IQCM: variants seen among roughly 807,000 people sequenced by gnomAD.
IQCM encodes IQ motif containing M.
In IQCM, 45 loss-of-function variants were observed where a neutral mutation model predicts 57.6. The observed-to-expected ratio is 0.78, with a 90% CI of 0.62 to 1.00. The LOEUF is 1.00. Ranked by LOEUF, IQCM falls within the 50% of genes least tolerant of loss-of-function variation. The probability of loss-of-function intolerance (pLI) is 0.00; values close to 1 mark genes in which losing one functional copy is unlikely to be tolerated. For synonymous variants in IQCM, 148 were observed against 158.9 expected (o/e 0.93, Z 0.51); for missense variants, 468 against 511.6 (o/e 0.91, Z 0.82).
chr4:149,562,128 T>TC (rs1289837460), intron 10 of IQCM, among the ~76,000 whole-genome samples: 5 of 152,208 alleles, frequency 3.3e-5, no homozygotes, highest in African/African-American at 1.2e-4. Context: ...ATGTTATAGT[T>TC]CCTACTATAT....
At chr4:149,726,780 T>C (rs913224280) in intron 5 of IQCM, among the ~76,000 whole-genome samples, 8 of 152,162 alleles carry the variant, frequency 5.3e-5, no homozygotes, top group African/African-American at 4.8e-5. Context: ...TACATATATA[T>C]ATGTAAAAAT....
chr4:149,458,721 T>C (rs1737960729), intron 12 of IQCM, among the ~76,000 whole-genome samples: 1 of 152,122 alleles, frequency 6.6e-6, no homozygotes, highest in African/African-American at 2.4e-5. Context: ...AAAAGCTAAT[T>C]CAGAATTTAG....
At chr4:149,396,390 A>G (rs1732231163) in intron 13 of IQCM, among the ~76,000 whole-genome samples, 1 of 151,936 alleles carries the variant, frequency 6.6e-6, no homozygotes, top group Admixed American at 6.6e-5. Context: ...TTTTAAAAAA[A>G]GAAAAAAAAT....
At chr4:149,719,607 T>A (rs967880029) in intron 5 of IQCM, among the ~76,000 whole-genome samples, 3 of 152,300 alleles carry the variant, frequency 2.0e-5, no homozygotes, top group South Asian at 2.1e-4. Context: ...TTCAGAGATA[T>A]AAACAATGTC....
intron 7 of IQCM, among the ~76,000 whole-genome samples, chr4:149,646,911 G>T (rs373870891): frequency 2.0e-5 from 3 of 152,156 alleles, no homozygotes; most frequent in Admixed American, 6.5e-5. Flanking sequence ...TTGAACCTAG[G>T]GGGTAGAGGT....
At chr4:149,697,536 A>G (rs529540996) in intron 5 of IQCM, among the ~76,000 whole-genome samples, 221 of 152,256 alleles carry the variant, frequency 1.5e-3, no homozygotes, top group Non-Finnish European at 2.6e-3. Context: ...AGGACGTGCC[A>G]TAAATCAGGC....
intron 13 of IQCM, among the ~76,000 whole-genome samples, chr4:149,355,177 T>C (rs1218396212): frequency 6.6e-6 from 1 of 152,160 alleles, no homozygotes; most frequent in Non-Finnish European, 1.5e-5. Context: ...ATAATTTCAC[T>C]TAGGAAGAAT....
At chr4:149,812,503 G>C (rs55823538) in intron 2 of IQCM, among the ~76,000 whole-genome samples, 62,052 of 130,786 alleles carry the variant, frequency 0.47, 15,848 homozygotes, top group East Asian at 0.75. Context: ...CACACACACA[G>C]ACACACACAC....
At chr4:149,415,332 G>A (rs1733670397) in intron 13 of IQCM, among the ~76,000 whole-genome samples, 1 of 152,134 alleles carries the variant, frequency 6.6e-6, no homozygotes, top group South Asian at 2.1e-4. Context: ...ACTGACTGGG[G>A]AATCTTGTGC....
At chr4:149,753,075 A>T (rs1768612676) in intron 2 of IQCM, among the ~76,000 whole-genome samples, 1 of 152,234 alleles carries the variant, frequency 6.6e-6, no homozygotes, top group African/African-American at 2.4e-5. Context: ...TGAGCATTAG[A>T]AGTAAATAAA....
In IQCM at chr4:149,753,449, T is replaced by C. The variant is rs117186575; in HGVS notation, c.-48-10710A>G. Among the ~76,000 whole-genome samples, 353 of 152,198 alleles carry C rather than the reference T, an allele frequency of 2.3e-3. 12 individuals are homozygous for C. The East Asian group carries it at 0.058, about 25-fold the overall frequency. On this transcript the variant is annotated intron_variant, in intron 2 of 13. Transcript: ENST00000636793. ...TTTCAAAAACTGTATAAGCTTGATATACAGAATAAAATGTGGATTGGACAC... is the reference window on the plus strand; with the variant it reads ...TTTCAAAAACTGTATAAGCTTGATACACAGAATAAAATGTGGATTGGACAC...
chr4:149,663,617 T>C (rs936781100), intron 7 of IQCM, among the ~76,000 whole-genome samples: 21 of 148,960 alleles, frequency 1.4e-4, no homozygotes, highest in African/African-American at 5.1e-4. Flanking sequence ...TATTCTTTAC[T>C]GACAGTTGGT....
chr4:149,767,282 A>C (rs116382901), intron 2 of IQCM, among the ~76,000 whole-genome samples: 274 of 152,130 alleles, frequency 1.8e-3, no homozygotes, highest in Non-Finnish European at 3.4e-3. Flanking sequence ...TGACGCTCAG[A>C]TATTACAATA....
At chr4:149,375,935 CAT>C in intron 13 of IQCM, among the ~76,000 whole-genome samples, 1 of 152,208 alleles carries the variant, frequency 6.6e-6, no homozygotes, top group East Asian at 1.9e-4. Flanking sequence ...ATTTTACAAA[CAT>C]ATTAAAATCA....
intron 2 of IQCM, among the ~76,000 whole-genome samples, chr4:149,765,821 T>C (rs1169756302): frequency 6.6e-6 from 1 of 152,050 alleles, no homozygotes; most frequent in Non-Finnish European, 1.5e-5. Flanking sequence ...TTTTGCATTC[T>C]AGCAACGGAC....
chr4:149,738,305 A>G (rs1767134156), intron 3 of IQCM, among the ~76,000 whole-genome samples: 2 of 152,158 alleles, frequency 1.3e-5, no homozygotes, highest in Admixed American at 1.3e-4. Context: ...TTTCCCTGAC[A>G]CTTGCATTTT....
chr4:149,735,962 T>G lies in IQCM; in HGVS notation c.38-504A>C, dbSNP rs541366815. Among the ~76,000 whole-genome samples, 42 of 151,974 alleles carry G rather than the reference T, an allele frequency of 2.8e-4. No homozygotes were observed. The South Asian group carries it at 4.4e-3, about 16-fold the overall frequency. ...TTTCTTTCGACTTTTTTTTTTTTTTTTGTGAGACAGAGTCTCCCTCTGTTG... is the reference window on the plus strand; with the variant it reads ...TTTCTTTCGACTTTTTTTTTTTTTTGTGTGAGACAGAGTCTCCCTCTGTTG... On this transcript the variant is annotated intron_variant, in intron 3 of 13. Coordinates refer to ENST00000636793, the MANE Select transcript of IQCM (RefSeq NM_001363507.2).
chr4:149,542,076 T>C (rs1023996778), intron 12 of IQCM, among the ~76,000 whole-genome samples: 7 of 152,068 alleles, frequency 4.6e-5, no homozygotes, highest in Non-Finnish European at 2.9e-5. Context: ...CTGTTGTCTT[T>C]TCATTATTTT....
At chr4:149,545,695 C>T (rs1395746591) in intron 12 of IQCM, among the ~76,000 whole-genome samples, 1 of 151,868 alleles carries the variant, frequency 6.6e-6, no homozygotes, top group Non-Finnish European at 1.5e-5. Context: ...GGGTATATAT[C>T]CAAATAAATG....
Sources: allele counts gnomAD v4.1 joint callset (sites outside exome capture counted in the v4.1 genomes callset), GRCh38; gene constraint gnomAD v4.1.1; transcripts MANE v1.5; gene names NCBI Gene and HGNC (gene_info 2026-07-23, HGNC 2026-07-21).